ARHGEF18: variants seen among roughly 807,000 people sequenced by gnomAD.
ARHGEF18 encodes the protein Rho/Rac guanine nucleotide exchange factor 18.
In ARHGEF18, 93 loss-of-function variants were observed where a neutral mutation model predicts 155.7. The observed-to-expected ratio is 0.60, with a 90% confidence interval of 0.50 to 0.71. The LOEUF (loss-of-function observed/expected upper bound fraction) is 0.71. ARHGEF18 is among the 30% of genes least tolerant of loss of function. ARHGEF18 has a pLI of 0.00. For missense variants in ARHGEF18, 1,593 were observed against 1,816.1 expected, an observed-to-expected ratio of 0.88 and a Z score of 2.23; for synonymous variants, 742 against 753.1, an observed-to-expected ratio of 0.99 and a Z score of 0.24.
intron 6 of ARHGEF18, 134 bp downstream of exon 6, chr19:7,378,585 C>G: frequency 1.6e-6 from 1 of 622,160 alleles, no homozygotes; most frequent in Non-Finnish European, 2.3e-6. Context: ...CCCACTAGTC[C>G]CCCCATAACC....
chr19:7,442,143 T>TTA (rs1974694600), intron 13 of ARHGEF18, 91 bp downstream of exon 13: 35 of 436,234 alleles, frequency 8.0e-5, no homozygotes, highest in Admixed American at 2.1e-4. Context: ...CCTTCCTTCC[T>TTA]TCCTTCCTTC....
At chr19:7,353,060 T>C (rs1969196850) in intron 1 of ARHGEF18, among the ~76,000 whole-genome samples, 1 of 150,616 alleles carries the variant, frequency 6.6e-6, no homozygotes, top group Non-Finnish European at 1.5e-5. Flanking sequence ...GGTCTCGAAC[T>C]CCTGACCTCC....
rs1012789500 is a variant in ARHGEF18 at position 7,371,893 on chromosome 19, C to T, written c.16-919C>T. 2.0e-5 allele frequency among the ~76,000 whole-genome samples: 3 copies of T among 151,992 alleles called. No homozygotes were observed. The South Asian group carries it at 6.2e-4, about 32-fold the overall frequency. Reference sequence around the variant, plus strand: ...ACTGGAATAAAAAGAAGGGAGGGGCCAAATCTATAAAGACATCAACATGGG... The same window carrying T: ...ACTGGAATAAAAAGAAGGGAGGGGCTAAATCTATAAAGACATCAACATGGG... On this transcript the variant is annotated intron_variant, in intron 2 of 28. Transcript: ENST00000668164.
Position 7,440,206 on chromosome 19 carries a change from T to C in ARHGEF18, c.968-138T>C. 3 of 1,551,606 alleles carry C rather than the reference T, an allele frequency of 1.9e-6. No individual in the cohort carries two copies. In the South Asian group the frequency reaches 3.6e-5, roughly 18 times the overall value. ...TTCCCCAGGAAATGGAGCGAGAACGTCTTCTTGGATAACGAGCTGCTGACC... is the reference window on the plus strand; with the variant it reads ...TTCCCCAGGAAATGGAGCGAGAACGCCTTCTTGGATAACGAGCTGCTGACC... On this transcript the variant is annotated intron_variant, in intron 10 of 28. Transcript: ENST00000668164. This position sits in a 1 kb window ranked among gnomAD's most constrained non-coding sequence, Gnocchi z 5.4.
At chr19:7,364,013 T>C (rs1969760365) in intron 2 of ARHGEF18, among the ~76,000 whole-genome samples, 1 of 133,146 alleles carries the variant, frequency 7.5e-6, no homozygotes, top group African/African-American at 2.8e-5. Flanking sequence ...GGAAGGAAGA[T>C]GGGTGGATGA....
Position 7,470,009 on chromosome 19 carries a change from A to G in ARHGEF18, c.3893A>G (p.His1298Arg), listed in dbSNP as rs756079088. 1.2e-6 allele frequency: 2 copies of G among 1,612,630 alleles called. No homozygotes were observed. Among genetic ancestry groups the G allele is most frequent in the Admixed American group, 1.7e-5 (1 of 59,938 alleles). ...RSLSPILPGR[H>R]SPAPPPDPGF... ...CTGAGCCCTATCCTGCCCGGCAGAC[A>G]CAGTCCTGCGCCCCCACCAGGTGAG... is the stretch of plus-strand genomic sequence containing the variant. Residue 1298 changes from histidine (H) to arginine (R), a missense_variant, in exon 28 of 29, where the codon CAC becomes CGC. Physicochemically the swap from His to Arg is conservative, Grantham distance 29 (BLOSUM62 0). Transcript: ENST00000668164. This position sits in a 1 kb window ranked among gnomAD's most constrained non-coding sequence, Gnocchi z 5.9.
At chr19:7,466,766 T>C in intron 23 of ARHGEF18, 152 bp from the exon 24 acceptor site, 1 of 755,526 alleles carries the variant, frequency 1.3e-6, no homozygotes, top group South Asian at 1.9e-5. Context: ...ATCGCGCCAC[T>C]GCACTCCAGC....
intron 13 of ARHGEF18, among the ~76,000 whole-genome samples, chr19:7,443,214 G>A (rs1374232727): frequency 2.0e-5 from 3 of 151,904 alleles, no homozygotes; most frequent in Non-Finnish European, 4.4e-5. Context: ...CCACTGCCAC[G>A]CCCAGCTAAT....
chr19:7,378,123 G>GT, intron 5 of ARHGEF18, among the ~76,000 whole-genome samples: 1 of 152,186 alleles, frequency 6.6e-6, no homozygotes, highest in East Asian at 1.9e-4. Context: ...GACAATAAGC[G>GT]TATCTCCTTC....
At chr19:7,466,557 C>T (rs1406041186) in intron 23 of ARHGEF18, among the ~76,000 whole-genome samples, 2 of 149,210 alleles carry the variant, frequency 1.3e-5, no homozygotes, top group Non-Finnish European at 3.0e-5. Flanking sequence ...AATCCCAGCA[C>T]TTTGGGAGGC....
intron 7 of ARHGEF18, among the ~76,000 whole-genome samples, chr19:7,379,577 C>T (rs541252424): frequency 6.6e-6 from 1 of 151,752 alleles, no homozygotes; most frequent in African/African-American, 2.4e-5. Context: ...AGAAAAAAGA[C>T]AAGGCTGGGT....
chr19:7,466,836 A>AAAGGACGAAG, intron 23 of ARHGEF18, 82 bp from the exon 24 acceptor site: 1 of 1,094,034 alleles, frequency 9.1e-7, no homozygotes, highest in Non-Finnish European at 1.3e-6. Context: ...AGTTAAAAAA[A>AAAGGACGAAG]AAGAAGAAGA....
rs2303141 is a variant in ARHGEF18 at position 7,462,523 on chromosome 19, C to T, written c.2635+189C>T. ...CTGTGAGAGCCAGAAGGGCCTTAGA[C>T]ATAATCTGGGCCAAGCCGCTCCTTG... On this transcript the variant is annotated intron_variant, in intron 21 of 28. Transcript: ENST00000668164. The surrounding 1 kb of genome is among the most constrained non-coding windows in gnomAD (Gnocchi z 4.4). Among the ~76,000 whole-genome samples the T allele has an allele frequency of 0.26, 39,699 of 152,122 alleles. 5,533 individuals are homozygous for T. Among genetic ancestry groups the T allele is most frequent in the African/African-American group, 0.35 (14,687 of 41,484 alleles).
At chr19:7,405,464 C>G (rs1419861816) in intron 10 of ARHGEF18, among the ~76,000 whole-genome samples, 1 of 152,188 alleles carries the variant, frequency 6.6e-6, no homozygotes, top group Non-Finnish European at 1.5e-5. Flanking sequence ...TCCCGAGATC[C>G]TTAACTAATG....
chr19:7,381,262 A>C (rs936972534), intron 8 of ARHGEF18, among the ~76,000 whole-genome samples: 1 of 152,146 alleles, frequency 6.6e-6, no homozygotes, highest in Admixed American at 6.6e-5. Context: ...GATGAAGGAA[A>C]AAAAAAGAAA....
At position 7,367,885 on chromosome 19, in the gene ARHGEF18, T is replaced by TTGTA. The variant is rs1224176621; in HGVS notation, c.16-4926_16-4925insGTAT. On this transcript the variant is annotated intron_variant, in intron 2 of 28. Transcript: ENST00000668164. ...ATATATATTTTTATATATATATATT[T>TTGTA]TATATATATTTTTTATATATATATA... Among the ~76,000 whole-genome samples the TTGTA allele has an allele frequency of 2.1e-3, 33 of 16,068 alleles. 1 individual carries two copies. The East Asian group carries it at 0.05, about 24-fold the overall frequency. 10.5% of individuals were successfully genotyped at this position (16,068 alleles called of 152,430 possible). A position where few individuals can be genotyped will look rare whatever the true frequency, so the allele number is the denominator to read the frequency against.
chr19:7,428,187 C>T (rs10402721), intron 10 of ARHGEF18, among the ~76,000 whole-genome samples: 3,871 of 152,208 alleles, frequency 0.025, 150 homozygotes, highest in African/African-American at 0.088. Flanking sequence ...GTAGCTAAGT[C>T]GAAGAGTCAT....
intron 10 of ARHGEF18, among the ~76,000 whole-genome samples, chr19:7,437,632 C>G (rs975779758): frequency 1.1e-5 from 1 of 91,862 alleles, no homozygotes; most frequent in Non-Finnish European, 2.2e-5. Flanking sequence ...CAGGACAGAT[C>G]AGATTTCTTT....
chr19:7,418,578 G>A (rs1354317333), intron 10 of ARHGEF18, among the ~76,000 whole-genome samples: 1 of 152,036 alleles, frequency 6.6e-6, no homozygotes, highest in Non-Finnish European at 1.5e-5. Flanking sequence ...TTACAGGTGT[G>A]AGCCACTGTG....
Sources: gnomAD v4.1 joint callset for allele counts (sites outside exome capture counted in the v4.1 genomes callset) on GRCh38, gnomAD v4.1.1 for gene constraint, Gnocchi (gnomAD v3.1) non-coding constraint, MANE v1.5 for transcripts, NCBI Gene and HGNC (gene_info 2026-07-23, HGNC 2026-07-21) for gene names.